PML: variants seen among roughly 807,000 people sequenced by gnomAD.
PML encodes the protein protein PML.
A neutral mutation model predicts 65.2 loss-of-function variants in PML; 28 were observed. That is an observed-to-expected ratio of 0.43 (90% CI 0.32 to 0.59). The LOEUF is 0.59. Ranked by LOEUF, PML falls within the 20% of genes least tolerant of loss-of-function variation. PML has a pLI of 0.08. For missense variants in PML, 1,021 were observed against 1,203.4 expected, an observed-to-expected ratio of 0.85 and a Z score of 2.24; for synonymous variants, 500 against 508.8, an observed-to-expected ratio of 0.98 and a Z score of 0.23.
chr15:74,033,542 G>C (rs1057102436), intron 6 of PML, 128 bp downstream of exon 6: 1 of 999,654 alleles, frequency 1.0e-6, no homozygotes, highest in Non-Finnish European at 1.5e-6. Context: ...CACTGAATAA[G>C]ATAGGGAAAG....
In PML at chr15:74,046,121, C is replaced by T. The variant is rs1036673; in HGVS notation, c.*1113C>T. 157,766 of 232,768 alleles carry T rather than the reference C, an allele frequency of 0.68. 54,737 individuals carry two copies. Among genetic ancestry groups the T allele is most frequent in the Middle Eastern group, 0.8 (630 of 784 alleles). 14.4% of individuals were successfully genotyped at this position (232,768 alleles called of 1,614,324 possible). A position where few individuals can be genotyped will look rare whatever the true frequency, so the allele number is the denominator to read the frequency against. On this transcript the variant is annotated 3_prime_UTR_variant, in exon 9 of 9. Coordinates refer to ENST00000268058, the MANE Select transcript of PML (RefSeq NM_033238.3). Reference sequence around the variant, plus strand: ...TGTAAAATGGGCTGATTGGCCTCCACGGTCAGAGCGGCCATCTGGCTGTGC... The same window carrying T: ...TGTAAAATGGGCTGATTGGCCTCCATGGTCAGAGCGGCCATCTGGCTGTGC...
chr15:74,044,652 C>G lies in PML; in HGVS notation c.2293C>G (p.Leu765Val). 1 of 1,605,664 alleles carries G rather than the reference C, an allele frequency of 6.2e-7. No individual in the cohort carries two copies. Among genetic ancestry groups the G allele is most frequent in the Non-Finnish European group, 8.5e-7 (1 of 1,179,892 alleles). Reference sequence around the variant, plus strand: ...CCTCGAGGTCTCCCCGGGCCCCCAGCTGGCCCAGCATGTCTACCCCTTCAG... The same window carrying G: ...CCTCGAGGTCTCCCCGGGCCCCCAGGTGGCCCAGCATGTCTACCCCTTCAG... Reference protein sequence around the residue: ...RLLEVSPGPQLAQHVYPFSSL... With the variant: ...RLLEVSPGPQVAQHVYPFSSL... The change falls in exon 9 of 9, where the codon CTG becomes GTG. Residue 765 changes from leucine to valine, a missense_variant. By Grantham distance (32) the Leu-to-Val change is conservative (BLOSUM62 1). Transcript: ENST00000268058.
intron 7 of PML, among the ~76,000 whole-genome samples, chr15:74,039,756 T>C (rs897583592): frequency 7.9e-5 from 12 of 152,228 alleles, no homozygotes; most frequent in African/African-American, 2.9e-4. Flanking sequence ...GGGGGATTCA[T>C]TGCATGTCTG....
Position 73,994,750 on chromosome 15 carries a change from C to G in PML, c.-63C>G. 4 of 1,538,198 alleles carry G rather than the reference C, an allele frequency of 2.6e-6. No individual in the cohort carries two copies. Among genetic ancestry groups the G allele is most frequent in the South Asian group, 1.2e-5 (1 of 83,784 alleles). On this transcript the variant is annotated 5_prime_UTR_variant, in exon 1 of 9. Transcript: ENST00000268058. ...GACTCAGCCAACTGGCTCACGCCTCCCCTTCAGCTTCTCTTCACGCACTCC... is the reference window on the plus strand; with the variant it reads ...GACTCAGCCAACTGGCTCACGCCTCGCCTTCAGCTTCTCTTCACGCACTCC...
chr15:74,001,774 C>T (rs945505541), intron 2 of PML, among the ~76,000 whole-genome samples: 1 of 152,034 alleles, frequency 6.6e-6, no homozygotes, highest in Admixed American at 6.6e-5. Flanking sequence ...TAAAAAGGTT[C>T]TCTTGCTTAA....
rs2071737633 is a variant in PML at position 74,043,643 on chromosome 15, C to T, written c.1861+504C>T. The T allele has an allele frequency of 8.1e-6, 4 of 494,408 alleles. No individual in the cohort carries two copies. Among genetic ancestry groups the T allele is most frequent in the Non-Finnish European group, 1.2e-5 (3 of 253,936 alleles). The allele number at this position is 494,408 out of a possible 1,614,324, so 30.6% of individuals were successfully genotyped here. On this transcript the variant is annotated intron_variant, in intron 8 of 8. Transcript: ENST00000268058. The surrounding 1 kb of genome is among the most constrained non-coding windows in gnomAD (Gnocchi z 4.3). ...GCTTGCCCTGGCTCTGCAAATGCCC[C>T]TCCTTGAGCCAGAGCCCCAGGCCCT...
rs1408649253 is a variant in PML, at chr15:74,044,524, G to A, written c.2165G>A (p.Ser722Asn). 2 of 1,613,976 alleles carry A rather than the reference G, an allele frequency of 1.2e-6. No homozygotes were observed. Among genetic ancestry groups the A allele is most frequent in the Admixed American group, 3.3e-5 (2 of 60,034 alleles). Residue 722 changes from serine to asparagine, a missense_variant, in exon 9 of 9, where the codon AGC becomes AAC. Transcript: ENST00000268058. ...PLIRERVPGA[S>N]SFKLKNLAQT... ...ATCCGGGAGCGTGTGCCCGGGGCCA[G>A]CAGCTTCAAACTCAAGAACCTGGCC...
At chr15:73,998,991 G>T (rs2069637586) in intron 2 of PML, among the ~76,000 whole-genome samples, 1 of 152,148 alleles carries the variant, frequency 6.6e-6, no homozygotes, top group African/African-American at 2.4e-5. Context: ...ACATCCAGTT[G>T]TAATTATTTT....
In PML at chr15:74,035,970, G is replaced by T. The variant is rs1265438013; in HGVS notation, c.1710+1440G>T. On this transcript the variant is annotated intron_variant, in intron 7 of 8. Coordinates refer to ENST00000268058, the MANE Select transcript of PML (RefSeq NM_033238.3). The surrounding 1 kb of genome is among the most constrained non-coding windows in gnomAD (Gnocchi z 4.1). ...CCTCTGAGAGTGCTACCCTTCTCTT[G>T]TAACCTTGCAGCCAACACCCCTGCC... 4.3e-6 allele frequency: 7 copies of T among 1,614,076 alleles called. No individual in the cohort carries two copies. The highest frequency in any genetic ancestry group is 3.3e-5 in the South Asian group (3 of 91,078).
At chr15:74,011,366 G>T (rs2070326547) in intron 2 of PML, among the ~76,000 whole-genome samples, 1 of 152,194 alleles carries the variant, frequency 6.6e-6, no homozygotes, top group Admixed American at 6.5e-5. Flanking sequence ...GAACAGGAAT[G>T]TGTGGCTACC....
rs529489071 is a variant in PML, at chr15:74,042,692, T to A, written c.1711-297T>A. 4.1e-6 allele frequency: 4 copies of A among 985,336 alleles called. No individual in the cohort carries two copies. Among genetic ancestry groups the A allele is most frequent in the South Asian group, 9.4e-5 (2 of 21,290 alleles). 61.0% of individuals were successfully genotyped at this position (985,336 alleles called of 1,614,324 possible). A position where few individuals can be genotyped will look rare whatever the true frequency, so the allele number is the denominator to read the frequency against. On this transcript the variant is annotated intron_variant, in intron 7 of 8. Coordinates refer to ENST00000268058, the MANE Select transcript of PML (RefSeq NM_033238.3). The surrounding 1 kb of genome is among the most constrained non-coding windows in gnomAD (Gnocchi z 5.3). Reference sequence around the variant, plus strand: ...CTTAACTGTGCATGCACACACAGATTTAGCACTTGGATTCATTCCCACACA... The same window carrying A: ...CTTAACTGTGCATGCACACACAGATATAGCACTTGGATTCATTCCCACACA...
In PML at chr15:74,032,488, G is replaced by C. The variant is rs181690787; in HGVS notation, c.1255-84G>C. ...GACCTGTGACTTGGTGAGGCCCCAGGGATTAGGCCAACCACAGGTCTGGGG... is the reference window on the plus strand; with the variant it reads ...GACCTGTGACTTGGTGAGGCCCCAGCGATTAGGCCAACCACAGGTCTGGGG... On this transcript the variant is annotated intron_variant, in intron 4 of 8. Coordinates refer to ENST00000268058, the MANE Select transcript of PML (RefSeq NM_033238.3). The C allele has an allele frequency of 1.6e-4, 242 of 1,488,036 alleles. 1 individual carries two copies. The highest frequency in any genetic ancestry group is 1.4e-3 in the Middle Eastern group (7 of 5,168). 92.2% of individuals were successfully genotyped at this position (1,488,036 alleles called of 1,614,324 possible). A position where few individuals can be genotyped will look rare whatever the true frequency, so the allele number is the denominator to read the frequency against.
Position 74,033,129 on chromosome 15 carries a change from C to T in PML, c.1399-27C>T, listed in dbSNP as rs538969175. ...CCCACTCACCCCTGCAGGCACCTGA[C>T]CTGGCTCTGTGACTCCCTCTATGCA... On this transcript the variant is annotated intron_variant, in intron 5 of 8. Transcript: ENST00000268058. 3 of 1,613,628 alleles carry T rather than the reference C, an allele frequency of 1.9e-6. No individual in the cohort carries two copies. The East Asian group carries it at 6.7e-5, about 36-fold the overall frequency.
At chr15:74,044,093 G>A in intron 8 of PML, 128 bp from the exon 9 acceptor site, 1 of 851,698 alleles carries the variant, frequency 1.2e-6, no homozygotes, top group Non-Finnish European at 2.0e-6. Context: ...GCTGATGTGT[G>A]GCTACTGCCA....
rs199522074 is a variant in PML, at chr15:74,001,229, T to C, written c.602+2753T>C. On this transcript the variant is annotated intron_variant, in intron 2 of 8. Coordinates refer to ENST00000268058, the MANE Select transcript of PML (RefSeq NM_033238.3). ...CTTACTGATTTTAATGTTTTCCTTC[T>C]TTCTGTTTGATCATTTTATTTTTGT... 9.8e-5 allele frequency among the ~76,000 whole-genome samples: 15 copies of C among 152,322 alleles called. 1 individual carries two copies. The East Asian group carries it at 2.9e-3, about 29-fold the overall frequency.
intron 2 of PML, among the ~76,000 whole-genome samples, chr15:74,004,941 G>A (rs2141741777): frequency 6.6e-6 from 1 of 151,834 alleles, no homozygotes; most frequent in African/African-American, 2.4e-5. Context: ...TGAATTCCTG[G>A]CCTCAAGTGA....
In PML at chr15:74,037,489, C is replaced by T; in HGVS notation, c.1710+2959C>T. ...TAAACACCCTGAATGAGGTCTTTCT[C>T]ATCTCAGAAAACTCCACCCACTTCT... On this transcript the variant is annotated intron_variant, in intron 7 of 8. Coordinates refer to ENST00000268058, the MANE Select transcript of PML (RefSeq NM_033238.3). The surrounding 1 kb of genome is among the most constrained non-coding windows in gnomAD (Gnocchi z 4.2). The T allele has an allele frequency of 4.1e-6, 4 of 985,332 alleles. No homozygotes were observed. The highest frequency in any genetic ancestry group is 4.8e-6 in the Non-Finnish European group (4 of 829,892). The allele number at this position is 985,332 out of a possible 1,614,324, so 61.0% of individuals were successfully genotyped here.
rs908563499 is a variant in PML at position 74,023,300 on chromosome 15, C to T, written c.1075C>T (p.Leu359=). The T allele has an allele frequency of 1.6e-5, 26 of 1,609,378 alleles. No individual in the cohort carries two copies. Among genetic ancestry groups the T allele is most frequent in the Non-Finnish European group, 2.1e-5 (25 of 1,179,656 alleles). The part of the protein sequence containing the change: ...HGFLRQALCR[L]RQEEPQSLQA... ...TTTCCTGCGCCAGGCGCTCTGCCGC[C>T]TGCGCCAGGAGGAGCCCCAGAGCCT... The change falls in exon 3 of 9, where the codon CTG becomes TTG. Residue 359 remains leucine, a synonymous_variant. Transcript: ENST00000268058.
At chr15:74,011,180 C>CCT (rs767235683) in intron 2 of PML, among the ~76,000 whole-genome samples, 1 of 152,122 alleles carries the variant, frequency 6.6e-6, no homozygotes, top group Non-Finnish European at 1.5e-5. Context: ...GAGGTTACAC[C>CCT]CTCAGCCCCA....
Sources: gnomAD v4.1 joint callset for allele counts (sites outside exome capture counted in the v4.1 genomes callset) on GRCh38, gnomAD v4.1.1 for gene constraint, Gnocchi (gnomAD v3.1) non-coding constraint, MANE v1.5 for transcripts, NCBI Gene and HGNC (gene_info 2026-07-23, HGNC 2026-07-21) for gene names.